OPRM1: variants seen among roughly 807,000 people sequenced by gnomAD.
The protein encoded by OPRM1 is mu-type opioid receptor.
OPRM1 carries 27 observed loss-of-function variants against 31.8 expected under a neutral mutation model. The observed-to-expected ratio is 0.85, with a 90% CI of 0.63 to 1.17. The LOEUF (loss-of-function observed/expected upper bound fraction) is 1.17. OPRM1 is among the 50% of genes most tolerant of loss of function. OPRM1 has a pLI of 0.00. For missense variants in OPRM1, 536 were observed against 511.1 expected (o/e 1.05, Z -0.47); for synonymous variants, 196 against 189.9 (o/e 1.03, Z -0.26).
At chr6:154,150,213 G>A (rs572439505) in intron 3 of OPRM1, among the ~76,000 whole-genome samples, 96 of 152,312 alleles carry the variant, frequency 6.3e-4, no homozygotes, top group Non-Finnish European at 1.2e-3. Context: ...GTCTCCCTGG[G>A]CTCTTGCCCA....
intron 3 of OPRM1, among the ~76,000 whole-genome samples, chr6:154,165,770 C>T (rs1035213048): frequency 3.3e-5 from 5 of 152,244 alleles, no homozygotes; most frequent in African/African-American, 9.6e-5. Flanking sequence ...GATGTCATTG[C>T]TGCCACTGGG....
chr6:154,061,163 C>T (rs1562413333), intron 1 of OPRM1, among the ~76,000 whole-genome samples: 2 of 152,216 alleles, frequency 1.3e-5, no homozygotes, highest in East Asian at 3.9e-4. Flanking sequence ...TTTCTGCTAC[C>T]ATCAGAGACA....
At chr6:154,075,539 C>T (rs1320326308) in intron 1 of OPRM1, among the ~76,000 whole-genome samples, 3 of 151,752 alleles carry the variant, frequency 2.0e-5, no homozygotes, top group African/African-American at 7.3e-5. Flanking sequence ...GCAACCTCCA[C>T]CTCCCAGGTT....
intron 1 of OPRM1, among the ~76,000 whole-genome samples, chr6:154,065,150 A>ATTT (rs564465420): frequency 4.4e-4 from 59 of 133,676 alleles, no homozygotes; most frequent in African/African-American, 6.1e-4. Context: ...GTCTTCTTTA[A>ATTT]TTTTTTTTTT....
intron 1 of OPRM1, among the ~76,000 whole-genome samples, chr6:154,079,659 C>T (rs935678599): frequency 2.0e-5 from 3 of 152,112 alleles, no homozygotes; most frequent in African/African-American, 7.2e-5. Context: ...TTGACAAATA[C>T]CACAAATATC....
chr6:154,128,560 T>G lies in OPRM1; in HGVS notation c.*9839T>G, dbSNP rs612512. On this transcript the variant is annotated 3_prime_UTR_variant, in exon 4 of 4. Transcript: ENST00000330432. The stretch of plus-strand genomic sequence containing the variant: ...ATTAAAATATGGGCACCTCTTTTAA[T>G]TCTTTTTTTTCTCATAATAAGTTTG... 0.67 allele frequency among the ~76,000 whole-genome samples: 101,208 copies of G among 152,068 alleles called. 34,019 individuals are homozygous for G. Among genetic ancestry groups the G allele is most frequent in the East Asian group, 0.9 (4,664 of 5,180 alleles).
chr6:154,013,039 G>A (rs1777814356), intron 1 of OPRM1, among the ~76,000 whole-genome samples: 1 of 152,004 alleles, frequency 6.6e-6, no homozygotes, highest in African/African-American at 2.4e-5. Context: ...AGGGCTGGGG[G>A]GGTACACAAA....
rs375325537 is a variant in OPRM1, at chr6:154,039,628, C to G, written c.84C>G (p.Pro28=). 1 of 1,613,800 alleles carries G rather than the reference C, an allele frequency of 6.2e-7. No homozygotes were observed. The highest frequency in any genetic ancestry group is 8.5e-7 in the Non-Finnish European group (1 of 1,179,694). The change falls in exon 1 of 4, where the codon CCC becomes CCG. Residue 28 remains proline, a synonymous_variant. Transcript: ENST00000330432. ...AYSSCSPAPS[P]GSWVNLSHLD... ...CAAGTTGCTCCCCAGCACCCAGCCC[C>G]GGTTCCTGGGTCAACTTGTCCCACT...
At chr6:154,029,653 G>T (rs1778894834) in intron 1 of OPRM1, among the ~76,000 whole-genome samples, 1 of 152,176 alleles carries the variant, frequency 6.6e-6, no homozygotes, top group Admixed American at 6.5e-5. Context: ...GATATGGTTT[G>T]GCTGTGTCCT....
In OPRM1 at chr6:154,243,020, T is replaced by C. The variant is rs191535449; in HGVS notation, c.1165-3673T>C. Among the ~76,000 whole-genome samples the C allele has an allele frequency of 1.5e-3, 225 of 152,088 alleles. 4 individuals are homozygous for C. Among genetic ancestry groups the C allele is most frequent in the Admixed American group, 0.015 (224 of 15,272 alleles). On this transcript the variant is annotated intron_variant, in intron 3 of 3. Coordinates refer to the OPRM1 transcript ENST00000337049. ...AATTTGACCTATAAGGAGGGATAAG[T>C]TTGATGGAATTGGATAGGAGAAAGA... is the stretch of plus-strand genomic sequence containing the variant.
chr6:154,117,759 T>C (rs1186217722), intron 3 of OPRM1, among the ~76,000 whole-genome samples: 2 of 152,110 alleles, frequency 1.3e-5, no homozygotes, highest in African/African-American at 4.8e-5. Context: ...CATGATGGAC[T>C]GCCTCTCCCT....
chr6:154,029,963 A>C (rs1360438476), intron 1 of OPRM1, among the ~76,000 whole-genome samples: 1 of 152,078 alleles, frequency 6.6e-6, no homozygotes, highest in African/African-American at 2.4e-5. Context: ...AAAAATTACC[A>C]GTCTCAGATA....
intron 1 of OPRM1, among the ~76,000 whole-genome samples, chr6:154,027,003 A>T (rs558083105): frequency 3.9e-5 from 6 of 152,224 alleles, no homozygotes; most frequent in African/African-American, 1.4e-4. Flanking sequence ...GATTGTCTTG[A>T]TACTTGTAGA....
intron 3 of OPRM1, among the ~76,000 whole-genome samples, chr6:154,161,607 T>C (rs911182635): frequency 6.6e-6 from 1 of 152,198 alleles, no homozygotes; most frequent in Admixed American, 6.5e-5. Flanking sequence ...GATAAGCTTT[T>C]AAGTTTTTAT....
intron 1 of OPRM1, among the ~76,000 whole-genome samples, chr6:154,018,636 T>C (rs1463245670): frequency 6.6e-6 from 1 of 152,062 alleles, no homozygotes; most frequent in Non-Finnish European, 1.5e-5. Context: ...CATTTGATAC[T>C]CTTTTCAAAT....
At chr6:154,171,878 A>G (rs1799898768) in intron 3 of OPRM1, among the ~76,000 whole-genome samples, 1 of 152,214 alleles carries the variant, frequency 6.6e-6, no homozygotes, top group Admixed American at 6.5e-5. Context: ...TACAGCTAAC[A>G]AGGTAGAATT....
At chr6:154,219,355 G>A (rs1017114042) in intron 3 of OPRM1, among the ~76,000 whole-genome samples, 2 of 152,188 alleles carry the variant, frequency 1.3e-5, no homozygotes, top group Non-Finnish European at 2.9e-5. Flanking sequence ...ATCAGCCACA[G>A]AATGAGTGGG....
chr6:154,037,276 CTGGCT>C (rs1779361948), upstream of OPRM1, among the ~76,000 whole-genome samples: 2 of 151,116 alleles, frequency 1.3e-5, no homozygotes, highest in Middle Eastern at 3.2e-3. Context: ...ATTTGTGGAA[CTGGCT>C]TGGATTGTGT....
rs1478118681 is a variant in OPRM1 at position 154,120,943 on chromosome 6, A to G, written c.*2222A>G. ...TAAAGGGAGTTATTTTTAAAATAAG[A>G]CATTCTAAAGTAAATAATAAATAAG... is the stretch of plus-strand genomic sequence containing the variant. On this transcript the variant is annotated 3_prime_UTR_variant, in exon 4 of 4. Coordinates refer to ENST00000330432, the MANE Select transcript of OPRM1 (RefSeq NM_000914.5). Among the ~76,000 whole-genome samples the G allele has an allele frequency of 6.6e-6, 1 of 152,198 alleles. No homozygotes were observed. The highest frequency in any genetic ancestry group is 2.4e-5 in the African/African-American group (1 of 41,454).
Sources: gnomAD v4.1 joint callset for allele counts (sites outside exome capture counted in the v4.1 genomes callset) on GRCh38, gnomAD v4.1.1 for gene constraint, MANE v1.5 for transcripts, NCBI Gene and HGNC (gene_info 2026-07-23, HGNC 2026-07-21) for gene names.